CMSS1: variants seen among roughly 807,000 people sequenced by gnomAD.
CMSS1 encodes cms1 ribosomal small subunit homolog, also known as protein CMSS1.
Under a neutral mutation model 43.5 loss-of-function variants are expected in CMSS1, and 33 were observed. The ratio of observed to expected loss-of-function variants is 0.76; its 90% CI spans 0.57 to 1.01. CMSS1 has a LOEUF of 1.01. CMSS1 is among the 50% of genes least tolerant of loss of function. CMSS1 has a pLI of 0.00. For missense variants in CMSS1, 313 were observed against 326.4 expected, an observed-to-expected ratio of 0.96 and a Z score of 0.32; for synonymous variants, 115 against 117.2, an observed-to-expected ratio of 0.98 and a Z score of 0.12.
At chr3:100,138,050 C>A (rs2066770838) in intron 1 of CMSS1, among the ~76,000 whole-genome samples, 1 of 152,144 alleles carries the variant, frequency 6.6e-6, no homozygotes, top group South Asian at 2.1e-4. Flanking sequence ...CATCTACAAC[C>A]ATCTGATCTT....
intron 1 of CMSS1, among the ~76,000 whole-genome samples, chr3:99,847,175 A>G (rs1486461504): frequency 6.6e-6 from 1 of 152,094 alleles, no homozygotes; most frequent in African/African-American, 2.4e-5. Context: ...GTTCATAACT[A>G]TCTTTGGCTT....
rs376887574 is a variant in CMSS1, at chr3:100,178,394, T to C, written c.*6T>C. ...TGAAACTGGGCCTTTTCTAAGTCTG[T>C]GTCCTAATGAAGATTCCAGTTTTCA... On this transcript the variant is annotated 3_prime_UTR_variant, in exon 10 of 10. Coordinates refer to ENST00000421999, the MANE Select transcript of CMSS1 (RefSeq NM_032359.4). 4.0e-5 allele frequency: 63 copies of C among 1,589,886 alleles called. No individual in the cohort carries two copies. The African/African-American group carries it at 8.1e-4, about 20-fold the overall frequency.
At chr3:100,005,734 C>T (rs1335055182) in intron 1 of CMSS1, among the ~76,000 whole-genome samples, 1 of 152,168 alleles carries the variant, frequency 6.6e-6, no homozygotes, top group Non-Finnish European at 1.5e-5. Context: ...TCATAATAAA[C>T]ACACTTGGTT....
chr3:100,123,953 C>T (rs745692485), intron 1 of CMSS1, among the ~76,000 whole-genome samples: 2 of 152,110 alleles, frequency 1.3e-5, no homozygotes, highest in Non-Finnish European at 2.9e-5. Context: ...TTCTAGTGGT[C>T]TGGGTAGAGA....
rs550412209 is a variant in CMSS1 at position 99,918,124 on chromosome 3, C to T, written c.64+100081C>T. Among the ~76,000 whole-genome samples, 30 of 152,084 alleles carry T rather than the reference C, an allele frequency of 2.0e-4. No homozygotes were observed. The South Asian group carries it at 4.0e-3, about 20-fold the overall frequency. On this transcript the variant is annotated intron_variant, in intron 1 of 9. Coordinates refer to ENST00000421999, the MANE Select transcript of CMSS1 (RefSeq NM_032359.4). ...TCCTGAGTAGCTGGGATTACAGGCG[C>T]GCGGCACCACGCCCGGCTAATTTTT...
intron 1 of CMSS1, among the ~76,000 whole-genome samples, chr3:99,862,761 A>G (rs1251450938): frequency 6.6e-6 from 1 of 152,142 alleles, no homozygotes; most frequent in Non-Finnish European, 1.5e-5. Context: ...TGGCCTGTAT[A>G]ACTCTTCTTA....
chr3:99,895,197 AC>A (rs1377428015), intron 1 of CMSS1, among the ~76,000 whole-genome samples: 1 of 152,096 alleles, frequency 6.6e-6, no homozygotes, highest in Admixed American at 6.5e-5. Context: ...GTTAAACTTA[AC>A]TATATTTTAT....
chr3:100,116,950 A>ATG (rs1265650351), intron 1 of CMSS1, among the ~76,000 whole-genome samples: 1 of 152,198 alleles, frequency 6.6e-6, no homozygotes, highest in Non-Finnish European at 1.5e-5. Flanking sequence ...TAAGAGTTTC[A>ATG]TGTTCTTTCT....
rs138133197 is a variant in CMSS1 at position 100,127,582 on chromosome 3, C to A, written c.65-19391C>A. 2.2e-4 allele frequency among the ~76,000 whole-genome samples: 34 copies of A among 152,330 alleles called. No homozygotes were observed. In the East Asian group the frequency reaches 5.8e-3, roughly 26 times the overall value. On this transcript the variant is annotated intron_variant, in intron 1 of 9. Transcript: ENST00000421999. Reference sequence around the variant, plus strand: ...GGACATTTGCACAAAATTCCCCAGTCAGGGACCTTCCACCCCATATATAGT... The same window carrying A: ...GGACATTTGCACAAAATTCCCCAGTAAGGGACCTTCCACCCCATATATAGT...
chr3:100,109,390 A>C (rs2066450077), intron 1 of CMSS1, among the ~76,000 whole-genome samples: 1 of 152,156 alleles, frequency 6.6e-6, no homozygotes. Flanking sequence ...AAATTTTGAC[A>C]AGCTCATGCA....
intron 1 of CMSS1, among the ~76,000 whole-genome samples, chr3:100,101,501 C>T (rs888417340): frequency 5.3e-5 from 8 of 152,082 alleles, no homozygotes; most frequent in African/African-American, 7.2e-5. Flanking sequence ...ACCTTGCTTT[C>T]GGTGAAGTAC....
chr3:99,856,423 G>A (rs1159761366), intron 1 of CMSS1, among the ~76,000 whole-genome samples: 2 of 152,164 alleles, frequency 1.3e-5, no homozygotes, highest in Non-Finnish European at 2.9e-5. Flanking sequence ...TTGTCTTGGA[G>A]TACTCATATT....
At chr3:100,160,661 A>G (rs2067015685) in intron 3 of CMSS1, among the ~76,000 whole-genome samples, 160 bp downstream of exon 3, 1 of 152,168 alleles carries the variant, frequency 6.6e-6, no homozygotes, top group Non-Finnish European at 1.5e-5. Flanking sequence ...GTCACTACTA[A>G]TAAGTGTTTC....
intron 1 of CMSS1, among the ~76,000 whole-genome samples, chr3:100,139,401 G>A (rs964473525): frequency 6.8e-6 from 1 of 147,606 alleles, no homozygotes; most frequent in East Asian, 2.1e-4. Flanking sequence ...CAGCCAGGAG[G>A]CCAGGCATGG....
chr3:99,977,980 A>T (rs1238964563), intron 1 of CMSS1, among the ~76,000 whole-genome samples: 1 of 152,210 alleles, frequency 6.6e-6, no homozygotes, highest in Non-Finnish European at 1.5e-5. Flanking sequence ...ATTATGCCAG[A>T]TGGTCCTCTT....
intron 1 of CMSS1, chr3:99,964,346 G>T (rs1708583028): frequency 6.7e-6 from 1 of 149,002 alleles, no homozygotes; most frequent in Non-Finnish European, 1.5e-5. Context: ...GGTACTCAGA[G>T]ACTTAGGGAT....
chr3:99,841,722 A>G (rs1943140926), intron 1 of CMSS1, among the ~76,000 whole-genome samples: 1 of 152,232 alleles, frequency 6.6e-6, no homozygotes, highest in Non-Finnish European at 1.5e-5. Flanking sequence ...GCAAACACAC[A>G]TATAAAAAAA....
intron 1 of CMSS1, among the ~76,000 whole-genome samples, chr3:100,024,110 C>T (rs2064876249): frequency 6.6e-6 from 1 of 152,166 alleles, no homozygotes; most frequent in African/African-American, 2.4e-5. Flanking sequence ...CACACTCCGT[C>T]TTCAGCTCCT....
intron 1 of CMSS1, among the ~76,000 whole-genome samples, chr3:100,021,590 T>C (rs1289828417): frequency 6.6e-6 from 1 of 152,214 alleles, no homozygotes; most frequent in African/African-American, 2.4e-5. Context: ...GTCTGTACTG[T>C]GACCCCATTT....
Sources: allele counts gnomAD v4.1 joint callset (sites outside exome capture counted in the v4.1 genomes callset), GRCh38; gene constraint gnomAD v4.1.1; transcripts MANE v1.5; gene names NCBI Gene and HGNC (gene_info 2026-07-23, HGNC 2026-07-21).